COG6: variants seen among roughly 807,000 people sequenced by gnomAD.
COG6 encodes the protein component of oligomeric golgi complex 6, also known as conserved oligomeric Golgi complex subunit 6.
Under a neutral mutation model 88.8 loss-of-function variants are expected in COG6, and 74 were observed. That is an observed-to-expected ratio of 0.83 (90% CI 0.69 to 1.01). COG6 has a LOEUF of 1.01. Ranked by LOEUF, COG6 falls within the 50% of genes least tolerant of loss-of-function variation. The pLI is 0.00. For missense variants in COG6, 800 were observed against 797.9 expected (o/e 1.00, Z -0.03); for synonymous variants, 286 against 278.7 (o/e 1.03, Z -0.26).
chr13:39,723,466 A>G (rs1391930101), intron 16 of COG6, 26 bp downstream of exon 16: 1 of 1,316,272 alleles, frequency 7.6e-7, no homozygotes, highest in Non-Finnish European at 1.1e-6. Context: ...TTCCTTCCTA[A>G]TTCTAAGAAC....
intron 18 of COG6, among the ~76,000 whole-genome samples, chr13:39,762,735 A>G (rs937987030): frequency 2.0e-5 from 3 of 150,174 alleles, no homozygotes; most frequent in Admixed American, 6.6e-5. Flanking sequence ...TTTTCTCTAT[A>G]TAGATCTATT....
At position 39,699,569 on chromosome 13, in the gene COG6, A is replaced by C. The variant is rs1327092531; in HGVS notation, c.1235A>C (p.Lys412Thr). 2 of 1,592,788 alleles carry C rather than the reference A, an allele frequency of 1.3e-6. No homozygotes were observed. Among genetic ancestry groups the C allele is most frequent in the South Asian group, 1.1e-5 (1 of 90,584 alleles). ...TIEEMHLLSKKIFFNSLSLHA... is the reference protein window; with the variant it reads ...TIEEMHLLSKTIFFNSLSLHA... ...GAAGAAATGCATTTGCTAAGCAAAAAAATATTCTTCAATAGCTTGAGTCTT... is the reference window on the plus strand; with the variant it reads ...GAAGAAATGCATTTGCTAAGCAAAACAATATTCTTCAATAGCTTGAGTCTT... Residue 412 changes from lysine (K) to threonine (T), a missense_variant, in exon 13 of 19, where the codon AAA becomes ACA. By Grantham distance (78) the Lys-to-Thr change is moderately conservative. Coordinates refer to ENST00000455146, the MANE Select transcript of COG6 (RefSeq NM_020751.3).
intron 18 of COG6, among the ~76,000 whole-genome samples, chr13:39,785,966 G>A (rs890499699): frequency 3.3e-5 from 5 of 152,154 alleles, no homozygotes; most frequent in Non-Finnish European, 7.3e-5. Flanking sequence ...GGATACAAAT[G>A]TGATGTACAG....
chr13:39,670,329 G>C (rs373464814), intron 4 of COG6, among the ~76,000 whole-genome samples: 1 of 151,766 alleles, frequency 6.6e-6, no homozygotes, highest in African/African-American at 2.4e-5. Context: ...TCTTATAAAG[G>C]CCCACCAGCC....
At chr13:39,695,242 G>C (rs1877210572) in intron 12 of COG6, among the ~76,000 whole-genome samples, 1 of 151,720 alleles carries the variant, frequency 6.6e-6, no homozygotes, top group Non-Finnish European at 1.5e-5. Context: ...ATAAAATAGA[G>C]TCATAGCTTT....
In COG6 at chr13:39,751,942, T is replaced by C. The variant is rs1880658244; in HGVS notation, c.*849T>C. The C allele has an allele frequency of 8.2e-7, 1 of 1,222,524 alleles. No homozygotes were observed. The highest frequency in any genetic ancestry group is 1.3e-5 in the South Asian group (1 of 79,682). The allele number at this position is 1,222,524 out of a possible 1,614,324, so 75.7% of individuals were successfully genotyped here. On this transcript the variant is annotated 3_prime_UTR_variant, in exon 19 of 19. Transcript: ENST00000455146. ...TAAATCCAACCAACTACACATTTTATCTGGTGTTCAAACCAAAGAAACAAT... is the reference window on the plus strand; with the variant it reads ...TAAATCCAACCAACTACACATTTTACCTGGTGTTCAAACCAAAGAAACAAT...
downstream of COG6, among the ~76,000 whole-genome samples, chr13:39,754,115 C>T (rs1880755181): frequency 1.3e-5 from 2 of 152,216 alleles, no homozygotes; most frequent in South Asian, 4.2e-4. Context: ...ATTTTCCTCC[C>T]ATTTCATTAA....
At chr13:39,670,325 A>G (rs536117029) in intron 4 of COG6, among the ~76,000 whole-genome samples, 1 of 152,198 alleles carries the variant, frequency 6.6e-6, no homozygotes, top group East Asian at 1.9e-4. Flanking sequence ...TATCTCTTAT[A>G]AAGGCCCACC....
chr13:39,727,150 C>G lies in COG6; in HGVS notation c.1747-319C>G, dbSNP rs146829031. On this transcript the variant is annotated intron_variant, in intron 17 of 18. Transcript: ENST00000455146. ...GAACAAATATAGTAAAATCAAGAAA[C>G]AGGTAGACCTGAAACCTGATGACTT... Among the ~76,000 whole-genome samples the G allele has an allele frequency of 7.7e-3, 1,172 of 151,910 alleles. 24 individuals carry two copies. Among genetic ancestry groups the G allele is most frequent in the African/African-American group, 0.027 (1,103 of 41,482 alleles).
At chr13:39,725,013 C>G (rs991787734) in intron 17 of COG6, among the ~76,000 whole-genome samples, 2 of 151,568 alleles carry the variant, frequency 1.3e-5, no homozygotes, top group African/African-American at 4.8e-5. Context: ...ACTTTATTAC[C>G]TTCCTTCTTT....
At chr13:39,665,068 C>G (rs1454699166) in intron 3 of COG6, 28 bp from the exon 4 acceptor site, 8 of 1,028,182 alleles carry the variant, frequency 7.8e-6, no homozygotes, top group Non-Finnish European at 1.2e-5. Flanking sequence ...TTGGAATTTA[C>G]TTATATTAGA....
At chr13:39,680,729 C>T (rs188170261) in intron 7 of COG6, among the ~76,000 whole-genome samples, 10 of 152,280 alleles carry the variant, frequency 6.6e-5, no homozygotes, top group Admixed American at 1.3e-4. Flanking sequence ...CTGCATTCTT[C>T]GGCTTGCGGC....
At chr13:39,788,571 G>C (rs907409975) in exon 19 of COG6, 4 of 576,270 alleles carry the variant, frequency 6.9e-6, no homozygotes, top group Non-Finnish European at 1.2e-5. Flanking sequence ...GAATAATGCG[G>C]ATCATAATAC....
chr13:39,705,774 TCA>T (rs2138046682), intron 13 of COG6, among the ~76,000 whole-genome samples: 1 of 152,244 alleles, frequency 6.6e-6, no homozygotes, highest in Admixed American at 6.5e-5. Context: ...AGCTTGGGCA[TCA>T]TATGGGAACT....
At chr13:39,715,261 C>CTCCT (rs1878467011) in intron 13 of COG6, among the ~76,000 whole-genome samples, 1 of 108,222 alleles carries the variant, frequency 9.2e-6, no homozygotes, top group South Asian at 4.2e-4. Flanking sequence ...ATACTCCTCT[C>CTCCT]TCTCTCTCTC....
rs933974183 is a variant in COG6, at chr13:39,665,991, C to G, written c.428+837C>G. On this transcript the variant is annotated intron_variant, in intron 4 of 18. Transcript: ENST00000455146. ...AGCTATGGTTGTGTTTACATACTGT[C>G]TATGGCTGCTTTTACCCTACTGCAG... 2.0e-5 allele frequency among the ~76,000 whole-genome samples: 3 copies of G among 152,236 alleles called. No homozygotes were observed. The South Asian group carries it at 6.2e-4, about 31-fold the overall frequency.
At chr13:39,674,974 T>C (rs1875878923) in intron 4 of COG6, among the ~76,000 whole-genome samples, 1 of 152,174 alleles carries the variant, frequency 6.6e-6, no homozygotes, top group Admixed American at 6.5e-5. Flanking sequence ...TTCCTATACA[T>C]ACTTTCTCGC....
At chr13:39,747,739 C>T (rs1880417967) in intron 18 of COG6, among the ~76,000 whole-genome samples, 1 of 152,112 alleles carries the variant, frequency 6.6e-6, no homozygotes, top group African/African-American at 2.4e-5. Context: ...TTGTTAGTTA[C>T]AGACATTCGT....
At position 39,687,732 on chromosome 13, in the gene COG6, G is replaced by T. The variant is rs142651540; in HGVS notation, c.942G>T (p.Trp314Cys). 22 of 1,613,764 alleles carry T rather than the reference G, an allele frequency of 1.4e-5. No individual in the cohort carries two copies. In the African/African-American group the frequency reaches 2.7e-4, roughly 20 times the overall value. ...PLRYVGDMLA[W>C]LHQATASEKE... Reference sequence around the variant, plus strand: ...GGTATGTAGGAGATATGTTGGCTTGGCTCCATCAAGCTACTGCTTCTGAAA... The same window carrying T: ...GGTATGTAGGAGATATGTTGGCTTGTCTCCATCAAGCTACTGCTTCTGAAA... Residue 314 changes from tryptophan (W) to cysteine (C), a missense_variant, in exon 10 of 19, where the codon TGG (tryptophan) becomes TGT (cysteine). Transcript: ENST00000455146.
Sources: allele counts gnomAD v4.1 joint callset (sites outside exome capture counted in the v4.1 genomes callset), GRCh38; gene constraint gnomAD v4.1.1; transcripts MANE v1.5; gene names NCBI Gene and HGNC (gene_info 2026-07-23, HGNC 2026-07-21).